UBE3D: variants seen among roughly 807,000 people sequenced by gnomAD.
UBE3D encodes ubiquitin protein ligase E3D.
UBE3D carries 48 observed loss-of-function variants against 49.6 expected under a neutral mutation model. The ratio of observed to expected loss-of-function variants is 0.97; its 90% CI spans 0.77 to 1.23. The LOEUF is 1.23. Among genes scored for constraint, UBE3D ranks in the 50% most tolerant of loss-of-function variants. UBE3D has a pLI of 0.00. For missense variants in UBE3D, 452 were observed against 468.4 expected (o/e 0.96, Z 0.32); for synonymous variants, 189 against 174.2 (o/e 1.08, Z -0.67).
the UBE3D span, among the ~76,000 whole-genome samples, chr6:82,885,476 A>G: frequency 6.6e-6 from 1 of 152,298 alleles, no homozygotes. Flanking sequence ...TGCATGCATT[A>G]ACCCATTTAA....
the UBE3D span, among the ~76,000 whole-genome samples, chr6:82,886,985 C>T: frequency 1.1e-3 from 168 of 151,930 alleles, 2 homozygotes; most frequent in East Asian, 0.029. Context: ...ATTTATAGTG[C>T]CCTATATTGA....
intron 8 of UBE3D, among the ~76,000 whole-genome samples, chr6:82,990,045 G>C (rs747860097): frequency 1.2e-4 from 19 of 152,180 alleles, no homozygotes; most frequent in Non-Finnish European, 2.8e-4. Context: ...AGTGAAGCTA[G>C]TATGTCCAAG....
intron 8 of UBE3D, among the ~76,000 whole-genome samples, chr6:83,011,372 T>C (rs773688206): frequency 7.2e-5 from 11 of 152,312 alleles, no homozygotes; most frequent in Middle Eastern, 3.4e-3. Context: ...TCCCTTTGCC[T>C]TCAGCAAGCA....
chr6:83,044,137 T>C (rs553283634), intron 4 of UBE3D, among the ~76,000 whole-genome samples: 20 of 152,338 alleles, frequency 1.3e-4, no homozygotes, highest in South Asian at 4.1e-4. Context: ...TATGCAATAT[T>C]GTCCTAAGAA....
At chr6:83,034,717 G>A (rs1309522278) in intron 5 of UBE3D, among the ~76,000 whole-genome samples, 1 of 152,098 alleles carries the variant, frequency 6.6e-6, no homozygotes, top group Non-Finnish European at 1.5e-5. Flanking sequence ...CTTCTGCCAT[G>A]ACTGTAAGTT....
At chr6:82,951,848 C>T (rs1775821523) in intron 9 of UBE3D, among the ~76,000 whole-genome samples, 1 of 152,122 alleles carries the variant, frequency 6.6e-6, no homozygotes, top group African/African-American at 2.4e-5. Flanking sequence ...GAGATGGTAT[C>T]CTCCTGACAA....
At chr6:82,939,953 A>G (rs984795758) in intron 9 of UBE3D, among the ~76,000 whole-genome samples, 5 of 152,196 alleles carry the variant, frequency 3.3e-5, no homozygotes, top group Non-Finnish European at 5.9e-5. Context: ...GACCTCCCCT[A>G]CGAAGTGCTA....
At chr6:83,013,125 T>A (rs1780463913) in intron 8 of UBE3D, among the ~76,000 whole-genome samples, 1 of 152,178 alleles carries the variant, frequency 6.6e-6, no homozygotes, top group Admixed American at 6.5e-5. Context: ...CATATACCAC[T>A]TCCATTTGAT....
At chr6:83,017,956 G>T (rs1446412493) in intron 8 of UBE3D, 1 of 151,676 alleles carries the variant, frequency 6.6e-6, no homozygotes, top group African/African-American at 2.4e-5. Context: ...CTTTTTTTAA[G>T]TGTAAAAAAT....
At chr6:83,040,401 CTCTATA>C (rs1163504439) in intron 4 of UBE3D, among the ~76,000 whole-genome samples, 69 of 137,306 alleles carry the variant, frequency 5.0e-4, no homozygotes, top group African/African-American at 1.6e-3. Context: ...CTCTCTCTCT[CTCTATA>C]TATATATATA....
intron 9 of UBE3D, among the ~76,000 whole-genome samples, chr6:82,912,974 A>T (rs754143229): frequency 2.0e-5 from 3 of 152,176 alleles, no homozygotes; most frequent in Non-Finnish European, 4.4e-5. Context: ...AGTAACAATA[A>T]ACCTACCTGC....
rs373094134 is a variant in UBE3D at position 82,956,902 on chromosome 6, CA to C, written c.1149+409del. ...CAGCACTTTGGGAGGCTGAGGCACGCAGATTGCCTGAGCTCAGGAGTTCGAG... is the reference window on the plus strand; with the variant it reads ...CAGCACTTTGGGAGGCTGAGGCACGCGATTGCCTGAGCTCAGGAGTTCGAG... On this transcript the variant is annotated intron_variant, in intron 9 of 9. Transcript: ENST00000369747. 2.3e-3 allele frequency among the ~76,000 whole-genome samples: 345 copies of C among 152,252 alleles called. 3 individuals carry two copies. Among genetic ancestry groups the C allele is most frequent in the African/African-American group, 7.0e-3 (291 of 41,544 alleles).
intron 8 of UBE3D, among the ~76,000 whole-genome samples, chr6:83,012,054 T>C (rs1284072313): frequency 2.6e-5 from 4 of 152,144 alleles, no homozygotes; most frequent in African/African-American, 9.7e-5. Flanking sequence ...TTCAGGATGA[T>C]AGGGAACACA....
chr6:82,922,463 C>T (rs147039022), intron 9 of UBE3D, among the ~76,000 whole-genome samples: 19 of 152,244 alleles, frequency 1.2e-4, no homozygotes, highest in African/African-American at 4.3e-4. Context: ...AGAAACCTGA[C>T]ACATACAAGC....
intron 8 of UBE3D, among the ~76,000 whole-genome samples, chr6:83,001,726 A>G (rs1779649906): frequency 6.6e-6 from 1 of 152,212 alleles, no homozygotes; most frequent in Admixed American, 6.5e-5. Flanking sequence ...CTGAAGAGCT[A>G]TCATATTCAA....
intron 9 of UBE3D, among the ~76,000 whole-genome samples, chr6:82,911,540 G>A (rs1463524600): frequency 1.3e-5 from 2 of 152,286 alleles, no homozygotes; most frequent in South Asian, 2.1e-4. Flanking sequence ...TAGTCACAGA[G>A]GCTAAAGGTT....
In UBE3D at chr6:83,003,000, G is replaced by T. The variant is rs113110373; in HGVS notation, c.1010+15973C>A. On this transcript the variant is annotated intron_variant, in intron 8 of 9. Transcript: ENST00000369747. ...GGTGTATTTACCATGCTGCCTTAACGTGACTGTAAGTTCCTGTTTGGCAAA... is the reference window on the plus strand; with the variant it reads ...GGTGTATTTACCATGCTGCCTTAACTTGACTGTAAGTTCCTGTTTGGCAAA... 9.9e-3 allele frequency among the ~76,000 whole-genome samples: 1,509 copies of T among 152,202 alleles called. 25 individuals carry two copies. Among genetic ancestry groups the T allele is most frequent in the African/African-American group, 0.034 (1,432 of 41,522 alleles).
At chr6:82,993,142 CAGAGAG>C (rs976193597) in intron 8 of UBE3D, among the ~76,000 whole-genome samples, 1 of 147,134 alleles carries the variant, frequency 6.8e-6, no homozygotes, top group East Asian at 2.0e-4. Context: ...GAGAGAGAGA[CAGAGAG>C]AGAGAGAGAG....
intron 5 of UBE3D, among the ~76,000 whole-genome samples, chr6:83,030,842 C>A (rs749146830): frequency 2.0e-5 from 3 of 151,988 alleles, no homozygotes; most frequent in Non-Finnish European, 4.4e-5. Flanking sequence ...AAAATAAAGT[C>A]CAGGGTGAGG....
Sources: allele counts gnomAD v4.1 joint callset (sites outside exome capture counted in the v4.1 genomes callset), GRCh38; gene constraint gnomAD v4.1.1; transcripts MANE v1.5; gene names NCBI Gene and HGNC (gene_info 2026-07-23, HGNC 2026-07-21).